ATP11C: variants seen among roughly 807,000 people sequenced by gnomAD.
ATP11C encodes phospholipid-transporting ATPase IG.
In ATP11C, 36 loss-of-function variants were observed where a neutral mutation model predicts 97.4. The observed-to-expected ratio is 0.37, with a 90% confidence interval of 0.28 to 0.49. The LOEUF (loss-of-function observed/expected upper bound fraction) is 0.49. Among genes scored for constraint, ATP11C ranks in the 20% least tolerant of loss-of-function variants. The probability of loss-of-function intolerance (pLI) is 0.98; values close to 1 mark genes in which losing one functional copy is unlikely to be tolerated. For missense variants in ATP11C, 730 were observed against 824.6 expected (o/e 0.89, Z 1.40); for synonymous variants, 275 against 290.9 (o/e 0.95, Z 0.56).
intron 19 of ATP11C, among the ~76,000 whole-genome samples, chrX:139,770,931 C>T (rs560569729): frequency 1.8e-5 from 2 of 111,676 alleles, no homozygotes; most frequent in African/African-American, 6.5e-5. Flanking sequence ...GAGGGTGAGG[C>T]CCTCATGATG....
At chrX:139,928,386 A>C (rs947568657) in intron 1 of ATP11C, among the ~76,000 whole-genome samples, 2 of 110,941 alleles carry the variant, frequency 1.8e-5, no homozygotes, top group Non-Finnish European at 3.8e-5. Context: ...CCGCTCGTCA[A>C]TGTCAGGCCA....
intron 5 of ATP11C, among the ~76,000 whole-genome samples, chrX:139,813,307 C>T (rs1450561951): frequency 8.9e-6 from 1 of 112,197 alleles, no homozygotes; most frequent in Non-Finnish European, 1.9e-5. Flanking sequence ...ACAACAAGAA[C>T]TCCCATTCAT....
At chrX:139,770,160 A>T (rs2082226023) in intron 19 of ATP11C, among the ~76,000 whole-genome samples, 1 of 108,639 alleles carries the variant, frequency 9.2e-6, no homozygotes, top group Non-Finnish European at 1.9e-5. Flanking sequence ...ACCAACTATA[A>T]GCACACTATA....
At chrX:139,753,592 T>A (rs2081869004) in intron 23 of ATP11C, among the ~76,000 whole-genome samples, 2 of 111,543 alleles carry the variant, frequency 1.8e-5, no homozygotes, top group African/African-American at 6.5e-5. Flanking sequence ...GCAGATCATC[T>A]GAGGTCAGGA....
intron 19 of ATP11C, among the ~76,000 whole-genome samples, chrX:139,773,874 G>A (rs753904343): frequency 2.4e-4 from 27 of 112,180 alleles, no homozygotes; most frequent in Admixed American, 1.3e-3. Flanking sequence ...AAGAAAATAC[G>A]GTTGCCTAAC....
chrX:139,845,540 G>A (rs927708916), intron 1 of ATP11C, among the ~76,000 whole-genome samples: 2 of 111,794 alleles, frequency 1.8e-5, no homozygotes, highest in Non-Finnish European at 3.8e-5. Context: ...AGGAAATGGA[G>A]ACCTTGATGT....
chrX:139,820,634 C>T (rs1415335203), intron 2 of ATP11C, among the ~76,000 whole-genome samples: 3 of 109,000 alleles, frequency 2.8e-5, no homozygotes, highest in African/African-American at 6.7e-5. Context: ...CTCTGGGCTG[C>T]GCTTTGGTAA....
chrX:139,807,124 C>T (rs1465208741), intron 5 of ATP11C, among the ~76,000 whole-genome samples: 1 of 111,334 alleles, frequency 9.0e-6, no homozygotes, highest in Non-Finnish European at 1.9e-5. Context: ...AGAAATCATT[C>T]TGTTCCTGCC....
In ATP11C at chrX:139,731,687, T is replaced by C. The variant is rs749305244; in HGVS notation, c.3357A>G (p.Leu1119=). 2.5e-6 allele frequency: 3 copies of C among 1,193,613 alleles called. No homozygotes were observed. The highest frequency in any genetic ancestry group is 3.4e-6 in the Non-Finnish European group (3 of 884,690). The change falls in exon 29 of 30, where the codon TTA becomes TTG. Residue 1119 remains leucine (L), a synonymous_variant. Coordinates refer to ENST00000682941, the MANE Select transcript of ATP11C (RefSeq NM_001353812.2). The stretch of plus-strand genomic sequence containing the variant: ...CATTAGATTCGTCTGAGAATGTTCG[T>C]AAAAGAAGAGGTCTGACTGAAGGTC... ...SARPSVRPLL[L]RTFSDESNVL
chrX:139,844,057 TATAC>T lies in ATP11C; in HGVS notation c.28-17238_28-17235del, dbSNP rs1206885446. On this transcript the variant is annotated intron_variant, in intron 1 of 29. Coordinates refer to ENST00000682941, the MANE Select transcript of ATP11C (RefSeq NM_001353812.2). ...TAACTTTGTTTAACTAAAAAACATA[TATAC>T]AGTCTTTGCGAAACAGAAACAGAGA... Among the ~76,000 whole-genome samples, 9 of 111,689 alleles carry T rather than the reference TATAC, an allele frequency of 8.1e-5. No individual in the cohort carries two copies. The Admixed American group carries it at 8.6e-4, about 11-fold the overall frequency.
At chrX:139,922,886 C>T (rs1170720913) in intron 1 of ATP11C, among the ~76,000 whole-genome samples, 1 of 111,736 alleles carries the variant, frequency 8.9e-6, no homozygotes, top group Non-Finnish European at 1.9e-5. Context: ...CTCCCTGGCT[C>T]AAGCAGTTCT....
intron 1 of ATP11C, among the ~76,000 whole-genome samples, chrX:139,919,392 C>T (rs909434864): frequency 1.9e-5 from 2 of 106,761 alleles, no homozygotes; most frequent in Non-Finnish European, 3.9e-5. Flanking sequence ...GGCTTGAACC[C>T]GGGAGGCGGA....
chrX:139,880,442 A>G (rs1390044539), intron 1 of ATP11C, among the ~76,000 whole-genome samples: 1 of 111,765 alleles, frequency 8.9e-6, no homozygotes, highest in East Asian at 2.8e-4. Context: ...ATTTCCTACC[A>G]TTTACAATTC....
In ATP11C at chrX:139,743,578, A is replaced by T. The variant is rs2081616983; in HGVS notation, c.3011T>A (p.Val1004Glu). The change falls in exon 26 of 30, where the codon GTA becomes GAA. Residue 1004 changes from valine (V) to glutamate (E), a missense_variant. Physicochemically the swap from Val to Glu is moderately radical, Grantham distance 121 (BLOSUM62 -2). Transcript: ENST00000682941. ...TFGTIVFTVLVFTVTLKLALD... is the reference protein window; with the variant it reads ...TFGTIVFTVLEFTVTLKLALD... ...TCTAACCTTCAGGGTTACAGTGAAT[A>T]CTAAGACTGTAAAAACAATGGTTCC... The T allele has an allele frequency of 8.5e-7, 1 of 1,174,338 alleles. No individual in the cohort carries two copies.
intron 1 of ATP11C, among the ~76,000 whole-genome samples, chrX:139,830,331 T>C (rs2083618490): frequency 8.9e-6 from 1 of 112,254 alleles, no homozygotes; most frequent in African/African-American, 3.2e-5. Context: ...TTAAATAACA[T>C]CCTGCAAGTT....
intron 1 of ATP11C, among the ~76,000 whole-genome samples, chrX:139,910,459 A>G (rs1426737171): frequency 9.1e-6 from 1 of 110,314 alleles, no homozygotes; most frequent in Admixed American, 9.7e-5. Context: ...ACAAAAAATT[A>G]GCCGGGCATG....
At chrX:139,829,161 G>A (rs1314054261) in intron 1 of ATP11C, among the ~76,000 whole-genome samples, 1 of 111,524 alleles carries the variant, frequency 9.0e-6, no homozygotes, top group African/African-American at 3.3e-5. Flanking sequence ...GCAGCAGAAT[G>A]TCCACTCCTG....
In ATP11C at chrX:139,932,016, A is replaced by G; in HGVS notation, c.27T>C (p.Phe9=). The change falls in exon 1 of 30, where the codon TTT becomes TTC. Residue 9 remains phenylalanine (F), a splice_region_variant and synonymous_variant. Transcript: ENST00000682941. Reference sequence around the variant, plus strand: ...GCGGAGCCGCAGCGAGTGTACTTACAAAACGATTCAAGCTCCGGCGGAACA... The same window carrying G: ...GCGGAGCCGCAGCGAGTGTACTTACGAAACGATTCAAGCTCCGGCGGAACA... The part of the protein sequence containing the change: MFRRSLNR[F]CAGEEKRVGT... The G allele has an allele frequency of 8.6e-7, 1 of 1,165,516 alleles. No individual in the cohort carries two copies. The highest frequency in any genetic ancestry group is 1.1e-6 in the Non-Finnish European group (1 of 871,558).
At chrX:139,886,414 C>T (rs963881421) in intron 1 of ATP11C, among the ~76,000 whole-genome samples, 5 of 109,952 alleles carry the variant, frequency 4.5e-5, no homozygotes, top group Admixed American at 2.0e-4. Context: ...CATGGTGAAA[C>T]CCCGTCTATA....
Sources: gnomAD v4.1 joint callset for allele counts (sites outside exome capture counted in the v4.1 genomes callset) on GRCh38, gnomAD v4.1.1 for gene constraint, MANE v1.5 for transcripts, NCBI Gene and HGNC (gene_info 2026-07-23, HGNC 2026-07-21) for gene names.